Variants in ZGRF1 observed in about 807,000 individuals in gnomAD.
ZGRF1 encodes the protein 5'-3' DNA helicase ZGRF1.
Under a neutral mutation model 203.5 loss-of-function variants are expected in ZGRF1, and 196 were observed. The ratio of observed to expected loss-of-function variants is 0.96; its 90% CI spans 0.86 to 1.08. ZGRF1 has a LOEUF of 1.08. Ranked by LOEUF, ZGRF1 falls within the 50% of genes least tolerant of loss-of-function variation. The pLI is 0.00. For synonymous variants in ZGRF1, 809 were observed against 841.3 expected (o/e 0.96, Z 0.66); for missense variants, 2,326 against 2,416.3 (o/e 0.96, Z 0.78).
In ZGRF1 at chr4:112,633,151, C is replaced by T; in HGVS notation, c.21+5G>A. On this transcript the variant is annotated splice_donor_5th_base_variant and intron_variant, in intron 2 of 27. Transcript: ENST00000505019. ...CACCAAACTGTGAAAAATGGTAAAACTTACAATAAATTCTTGGCTTTCCAT... is the reference window on the plus strand; with the variant it reads ...CACCAAACTGTGAAAAATGGTAAAATTTACAATAAATTCTTGGCTTTCCAT... The T allele has an allele frequency of 6.2e-7, 1 of 1,608,888 alleles. No individual in the cohort carries two copies. The highest frequency in any genetic ancestry group is 2.2e-5 in the East Asian group (1 of 44,678).
intron 13 of ZGRF1, 45 bp from the exon 14 acceptor site, chr4:112,585,770 A>G (rs1553991874): frequency 1.4e-6 from 2 of 1,453,292 alleles, no homozygotes; most frequent in Admixed American, 2.4e-5. Context: ...ATACAAAATA[A>G]TTTTGTTTGT....
chr4:112,541,321 G>C, intron 24 of ZGRF1, 53 bp from the exon 25 acceptor site: 1 of 975,856 alleles, frequency 1.0e-6, no homozygotes, highest in East Asian at 2.7e-5. Context: ...TTCTTCTAGG[G>C]AAAGAAAATT....
intron 20 of ZGRF1, 26 bp from the exon 21 acceptor site, chr4:112,554,808 T>C: frequency 8.1e-7 from 1 of 1,228,430 alleles, no homozygotes; most frequent in Non-Finnish European, 1.2e-6. Context: ...CAATATAGAT[T>C]CTGATTATTT....
At chr4:112,547,526 G>A (rs530270877) in intron 23 of ZGRF1, 118 bp from the exon 24 acceptor site, 10 of 893,942 alleles carry the variant, frequency 1.1e-5, no homozygotes, top group South Asian at 8.9e-5. Flanking sequence ...AGTATCCTGA[G>A]TACTAATAAA....
At chr4:112,562,587 AAGC>A in intron 17 of ZGRF1, 102 bp from the exon 18 acceptor site, 1 of 705,868 alleles carries the variant, frequency 1.4e-6, no homozygotes, top group Admixed American at 2.3e-5. Flanking sequence ...CTACTGAATT[AAGC>A]ACATGACATA....
rs2047007993 is a variant in ZGRF1 at position 112,619,870 on chromosome 4, T to C, written c.351+132A>G. On this transcript the variant is annotated intron_variant, in intron 5 of 27. Transcript: ENST00000505019. ...TAATAAGATTTTTCAAAGTAGGGTT[T>C]ACTTCCTTTCTACCTAAGTATACTA... is the stretch of plus-strand genomic sequence containing the variant. 4 of 905,892 alleles carry C rather than the reference T, an allele frequency of 4.4e-6. No homozygotes were observed. In the East Asian group the frequency reaches 1.1e-4, roughly 25 times the overall value. 56.1% of individuals were successfully genotyped at this position (905,892 alleles called of 1,614,324 possible). A position where few individuals can be genotyped will look rare whatever the true frequency, so the allele number is the denominator to read the frequency against.
intron 3 of ZGRF1, among the ~76,000 whole-genome samples, chr4:112,625,184 G>A (rs1371482625): frequency 6.6e-6 from 1 of 152,188 alleles, no homozygotes; most frequent in Non-Finnish European, 1.5e-5. Context: ...AACTACTTCG[G>A]AAGCTAAGGC....
rs905275898 is a variant in ZGRF1 at position 112,554,115 on chromosome 4, C to A, written c.5199-133G>T. On this transcript the variant is annotated intron_variant, in intron 21 of 27. Coordinates refer to ENST00000505019, the MANE Select transcript of ZGRF1 (RefSeq NM_018392.5). ...ATGTGCACAATGTGCAGGTTTGTTA[C>A]ATATGTATACATGTGCCATGTTGGT... 8.7e-5 allele frequency: 58 copies of A among 669,912 alleles called. No individual in the cohort carries two copies. In the South Asian group the frequency reaches 1.1e-3, roughly 12 times the overall value. The allele number at this position is 669,912 out of a possible 1,614,324, so 41.5% of individuals were successfully genotyped here.
At chr4:112,588,033 T>G (rs1747524849) in intron 11 of ZGRF1, 104 bp from the exon 12 acceptor site, 9 of 636,958 alleles carry the variant, frequency 1.4e-5, no homozygotes, top group Non-Finnish European at 2.2e-5. Flanking sequence ...CAACTTGCTC[T>G]GAAAAAAAAA....
intron 2 of ZGRF1, among the ~76,000 whole-genome samples, chr4:112,632,550 A>G (rs1203475723): frequency 6.6e-6 from 1 of 152,224 alleles, no homozygotes; most frequent in African/African-American, 2.4e-5. Flanking sequence ...AGGATTATGT[A>G]TATGCAATAT....
intron 16 of ZGRF1, among the ~76,000 whole-genome samples, chr4:112,575,832 G>A (rs945687284): frequency 2.0e-5 from 3 of 152,328 alleles, no homozygotes; most frequent in Admixed American, 2.0e-4. Flanking sequence ...GCCTGCCTCT[G>A]TAGACTCCCC....
In ZGRF1 at chr4:112,563,160, C is replaced by A; in HGVS notation, c.4553G>T (p.Gly1518Val). 6.5e-7 allele frequency: 1 copy of A among 1,549,686 alleles called. No homozygotes were observed. The highest frequency in any genetic ancestry group is 8.7e-7 in the Non-Finnish European group (1 of 1,145,734). Reference sequence around the variant, plus strand: ...AGTGGGCCAATTAGAAGGGAAATAGCCTTTCAAAGGCAGTATTTCTATCTC... The same window carrying A: ...AGTGGGCCAATTAGAAGGGAAATAGACTTTCAAAGGCAGTATTTCTATCTC... ...INEIEILPLKGYFPSNWPTNM... is the reference protein window; with the variant it reads ...INEIEILPLKVYFPSNWPTNM... The change falls in exon 17 of 28, where the codon GGC (glycine) becomes GTC (valine). Residue 1518 changes from glycine (G) to valine (V), a missense_variant. Physicochemically the swap from Gly to Val is moderately radical, Grantham distance 109. Transcript: ENST00000505019.
At position 112,579,936 on chromosome 4, in the gene ZGRF1, T is replaced by G. The variant is rs539423200; in HGVS notation, c.4438+1727A>C. On this transcript the variant is annotated intron_variant, in intron 16 of 27. Transcript: ENST00000505019. ...GGAAAAAACTACTTTGAAGTTCACATGGAACCAAAAAAGAGCCCACATTGC... is the reference window on the plus strand; with the variant it reads ...GGAAAAAACTACTTTGAAGTTCACAGGGAACCAAAAAAGAGCCCACATTGC... 5.7e-5 allele frequency among the ~76,000 whole-genome samples: 7 copies of G among 123,004 alleles called. 2 individuals carry two copies. Among genetic ancestry groups the G allele is most frequent in the Admixed American group, 5.5e-4 (6 of 10,830 alleles). The allele number at this position is 123,004 out of a possible 152,430, so 80.7% of individuals were successfully genotyped here.
At chr4:112,582,142 T>A (rs1746372084) in intron 15 of ZGRF1, among the ~76,000 whole-genome samples, 1 of 152,334 alleles carries the variant, frequency 6.6e-6, no homozygotes, top group Non-Finnish European at 1.5e-5. Context: ...CATTGTGTAA[T>A]GATCAGATCA....
At chr4:112,604,117 G>A (rs562617023) in intron 9 of ZGRF1, among the ~76,000 whole-genome samples, 14 of 152,044 alleles carry the variant, frequency 9.2e-5, no homozygotes, top group East Asian at 3.9e-4. Context: ...TCAGCTACTC[G>A]GGAGGCTGAG....
At position 112,603,593 on chromosome 4, in the gene ZGRF1, A is replaced by G. The variant is rs148920858; in HGVS notation, c.2907T>C (p.Thr969=). The stretch of plus-strand genomic sequence containing the variant: ...TCTCTGTCATAAAGTTTTCATACTC[A>G]GTGCTATCTGGAAACTGACTGCATC... ...QLGCSQFPDS[T]EYENFMTETP... is the part of the protein sequence containing the mutation. The change falls in exon 10 of 28, where the codon ACT becomes ACC. Residue 969 remains threonine, a synonymous_variant. Transcript: ENST00000505019. 6.9e-5 allele frequency: 112 copies of G among 1,613,646 alleles called. No homozygotes were observed. The African/African-American group carries it at 1.1e-3, about 16-fold the overall frequency.
intron 11 of ZGRF1, among the ~76,000 whole-genome samples, chr4:112,588,967 C>G (rs575232601): frequency 6.6e-6 from 1 of 152,274 alleles, no homozygotes; most frequent in Admixed American, 6.5e-5. Context: ...AATACCCACT[C>G]CGGTGTATTT....
intron 24 of ZGRF1, 87 bp from the exon 25 acceptor site, chr4:112,541,355 G>A (rs989217242): frequency 3.1e-5 from 20 of 653,490 alleles, no homozygotes; most frequent in East Asian, 5.6e-5. Flanking sequence ...TAAAAATATC[G>A]CTATATTATG....
chr4:112,614,472 A>T (rs974222260), intron 6 of ZGRF1, among the ~76,000 whole-genome samples: 4 of 152,142 alleles, frequency 2.6e-5, no homozygotes, highest in Admixed American at 1.3e-4. Context: ...TATCTTTTTC[A>T]TGGTTGCTTA....
Sources: allele counts gnomAD v4.1 joint callset (sites outside exome capture counted in the v4.1 genomes callset), GRCh38; gene constraint gnomAD v4.1.1; transcripts MANE v1.5; gene names NCBI Gene and HGNC (gene_info 2026-07-23, HGNC 2026-07-21).